KLHL22: variants seen among roughly 807,000 people sequenced by gnomAD.
The protein encoded by KLHL22 is kelch like family member 22.
A neutral mutation model predicts 60.7 loss-of-function variants in KLHL22; 18 were observed. The ratio of observed to expected loss-of-function variants is 0.30; its 90% CI spans 0.20 to 0.44. The LOEUF (loss-of-function observed/expected upper bound fraction) is 0.44. Among genes scored for constraint, KLHL22 ranks in the 20% least tolerant of loss-of-function variants. The pLI is 1.00. For missense variants in KLHL22, 596 were observed against 852.3 expected, an observed-to-expected ratio of 0.70 and a Z score of 3.74; for synonymous variants, 355 against 354.5, an observed-to-expected ratio of 1.00 and a Z score of -0.01.
chr22:20,444,908 A>G (rs558734177), intron 6 of KLHL22, among the ~76,000 whole-genome samples: 11 of 151,790 alleles, frequency 7.2e-5, no homozygotes, highest in African/African-American at 2.4e-4. Context: ...CAGCCTCCCA[A>G]GTAGCTGGGA....
intron 5 of KLHL22, chr22:20,450,205 G>A (rs2052953311): frequency 1.2e-6 from 1 of 807,052 alleles, no homozygotes; most frequent in African/African-American, 1.7e-5. Context: ...CCGTTGGGAA[G>A]AGCAATACCT....
chr22:20,462,588 G>A (rs1212199710), intron 4 of KLHL22, among the ~76,000 whole-genome samples: 1 of 149,922 alleles, frequency 6.7e-6, no homozygotes, highest in Non-Finnish European at 1.5e-5. Context: ...TTGAACTCCT[G>A]GGCTCAAAAG....
Position 20,465,581 on chromosome 22 carries a change from A to G in KLHL22, c.394-5T>C, listed in dbSNP as rs762288900. On this transcript the variant is annotated splice_region_variant and splice_polypyrimidine_tract_variant and intron_variant, in intron 3 of 6. Coordinates refer to ENST00000328879, the MANE Select transcript of KLHL22 (RefSeq NM_032775.4). The surrounding 1 kb of genome is among the most constrained non-coding windows in gnomAD (Gnocchi z 4.9). Reference sequence around the variant, plus strand: ...GAAATGGATAATTTCTGGGATCTGCAGAGAGAATGACACCCATTCAAGCCT... The same window carrying G: ...GAAATGGATAATTTCTGGGATCTGCGGAGAGAATGACACCCATTCAAGCCT... The G allele has an allele frequency of 2.2e-6, 3 of 1,363,546 alleles. No homozygotes were observed. The South Asian group carries it at 3.5e-5, about 16-fold the overall frequency. The allele number at this position is 1,363,546 out of a possible 1,614,324, so 84.5% of individuals were successfully genotyped here.
At chr22:20,464,804 T>C (rs1375572424) in intron 4 of KLHL22, 54 bp downstream of exon 4, 18 of 1,152,944 alleles carry the variant, frequency 1.6e-5, no homozygotes, top group Non-Finnish European at 2.2e-5. Context: ...GCCCATGACT[T>C]CCACACCCTC....
At chr22:20,491,678 C>T (rs2053693775) in intron 1 of KLHL22, 1 of 152,188 alleles carries the variant, frequency 6.6e-6, no homozygotes, top group Non-Finnish European at 1.5e-5. Context: ...GGAAACATCA[C>T]TGTGTGGCAC....
At chr22:20,477,786 C>T (rs551415834) in intron 2 of KLHL22, among the ~76,000 whole-genome samples, 5 of 152,282 alleles carry the variant, frequency 3.3e-5, no homozygotes, top group African/African-American at 7.2e-5. Flanking sequence ...AGGGTTGCTA[C>T]GTTGCTCAAG....
At chr22:20,458,843 A>C (rs921067135) in intron 4 of KLHL22, among the ~76,000 whole-genome samples, 2 of 152,062 alleles carry the variant, frequency 1.3e-5, no homozygotes, top group Non-Finnish European at 2.9e-5. Context: ...CCTCCACTCA[A>C]GGTCTCCCTC....
At chr22:20,471,654 AGTGAACTGT>A (rs1184207125) in intron 2 of KLHL22, 139 bp from the exon 3 acceptor site, 10 of 831,140 alleles carry the variant, frequency 1.2e-5, no homozygotes, top group Non-Finnish European at 1.7e-5. Context: ...CTGTGCTCTG[AGTGAACTGT>A]GTGCATGCAT....
At chr22:20,450,009 G>A (rs1357353855) in intron 5 of KLHL22, 10 of 598,998 alleles carry the variant, frequency 1.7e-5, no homozygotes, top group Non-Finnish European at 2.4e-5. Flanking sequence ...TGCTGGACCC[G>A]CACCCCACTC....
At position 20,449,956 on chromosome 22, in the gene KLHL22, G is replaced by T. The variant is rs543953238; in HGVS notation, c.1306-3280C>A. Among the ~76,000 whole-genome samples the T allele has an allele frequency of 2.0e-5, 3 of 152,302 alleles. No homozygotes were observed. The South Asian group carries it at 6.2e-4, about 32-fold the overall frequency. ...ACCCGGACAGCTCCAGAGCCTCCGG[G>T]CCGGGGCGGCGGCGGCGACGCTTCG... is the stretch of plus-strand genomic sequence containing the variant. On this transcript the variant is annotated intron_variant, in intron 5 of 6. Coordinates refer to ENST00000328879, the MANE Select transcript of KLHL22 (RefSeq NM_032775.4).
At position 20,465,904 on chromosome 22, in the gene KLHL22, C is replaced by T. The variant is rs565192884; in HGVS notation, c.394-328G>A. 2.0e-5 allele frequency among the ~76,000 whole-genome samples: 3 copies of T among 152,112 alleles called. No individual in the cohort carries two copies. The highest frequency in any genetic ancestry group is 1.9e-4 in the East Asian group (1 of 5,182). On this transcript the variant is annotated intron_variant, in intron 3 of 6. Coordinates refer to ENST00000328879, the MANE Select transcript of KLHL22 (RefSeq NM_032775.4). This position sits in a 1 kb window ranked among gnomAD's most constrained non-coding sequence, Gnocchi z 4.9. The stretch of plus-strand genomic sequence containing the variant: ...AATCTCGGCTCACTAACACCTCCCC[C>T]TCCCGGGTTGAAATGATTCTCCTGC...
At position 20,465,197 on chromosome 22, in the gene KLHL22, T is replaced by A; in HGVS notation, c.773A>T (p.His258Leu). ...LMEAEVLQRL[H>L]DKLDPSPLRD... is the part of the protein sequence containing the mutation. The stretch of plus-strand genomic sequence containing the variant: ...CAAAGGGCTGGGGTCCAGCTTGTCA[T>A]GCAGCCGCTGCAGGACCTCAGCTTC... The change falls in exon 4 of 7, where the codon CAT becomes CTT. Residue 258 changes from histidine (H) to leucine (L), a missense_variant. By Grantham distance (99) the His-to-Leu change is moderately conservative. Coordinates refer to ENST00000328879, the MANE Select transcript of KLHL22 (RefSeq NM_032775.4). This position sits in a 1 kb window ranked among gnomAD's most constrained non-coding sequence, Gnocchi z 4.9. 1 of 1,613,818 alleles carries A rather than the reference T, an allele frequency of 6.2e-7. No individual in the cohort carries two copies.
At chr22:20,460,629 A>C (rs1214819717) in intron 4 of KLHL22, among the ~76,000 whole-genome samples, 9 of 147,536 alleles carry the variant, frequency 6.1e-5, no homozygotes, top group Admixed American at 2.0e-4. Context: ...AAAAAAAAAA[A>C]AAAAAAAAAA....
chr22:20,487,344 A>C (rs1315861047), intron 2 of KLHL22, among the ~76,000 whole-genome samples: 1 of 149,216 alleles, frequency 6.7e-6, no homozygotes, highest in Non-Finnish European at 1.5e-5. Context: ...CAGCCTCCCA[A>C]GTAGCTGGGA....
At chr22:20,455,672 G>A (rs1426353078) in intron 5 of KLHL22, among the ~76,000 whole-genome samples, 1 of 152,194 alleles carries the variant, frequency 6.6e-6, no homozygotes, top group East Asian at 1.9e-4. Context: ...GGGAGCCTGT[G>A]TTGTATAGTT....
intron 5 of KLHL22, chr22:20,451,446 T>C: frequency 1.9e-6 from 3 of 1,604,322 alleles, no homozygotes; most frequent in South Asian, 2.2e-5. Flanking sequence ...TAAATTCAGT[T>C]GAGAAATATG....
Position 20,441,888 on chromosome 22 carries a change from T to C in KLHL22, c.*185A>G, listed in dbSNP as rs9997. 180,382 of 488,370 alleles carry C rather than the reference T, an allele frequency of 0.37. 34,927 individuals carry two copies. The highest frequency in any genetic ancestry group is 0.54 in the African/African-American group (26,969 of 50,350). 30.3% of individuals were successfully genotyped at this position (488,370 alleles called of 1,614,324 possible). A position where few individuals can be genotyped will look rare whatever the true frequency, so the allele number is the denominator to read the frequency against. ...CGTAATCCACAGCCTGGGATCTGCATGGCCCTGAGATGCCTGCGGCAGGCT... is the reference window on the plus strand; with the variant it reads ...CGTAATCCACAGCCTGGGATCTGCACGGCCCTGAGATGCCTGCGGCAGGCT... On this transcript the variant is annotated 3_prime_UTR_variant, in exon 7 of 7. Coordinates refer to ENST00000328879, the MANE Select transcript of KLHL22 (RefSeq NM_032775.4).
rs557724545 is a variant in KLHL22, at chr22:20,477,048, A to G, written c.228-5533T>C. On this transcript the variant is annotated intron_variant, in intron 2 of 6. Coordinates refer to ENST00000328879, the MANE Select transcript of KLHL22 (RefSeq NM_032775.4). Reference sequence around the variant, plus strand: ...ATTTTAAGAAAAAAAAAAATCTTATAATCCTTTCGGGGGCCAAGGCAGGAA... The same window carrying G: ...ATTTTAAGAAAAAAAAAAATCTTATGATCCTTTCGGGGGCCAAGGCAGGAA... 1.2e-4 allele frequency among the ~76,000 whole-genome samples: 18 copies of G among 151,978 alleles called. No individual in the cohort carries two copies. The East Asian group carries it at 2.9e-3, about 25-fold the overall frequency.
chr22:20,447,591 G>A (rs547786218), intron 5 of KLHL22, among the ~76,000 whole-genome samples: 4 of 144,882 alleles, frequency 2.8e-5, no homozygotes, highest in East Asian at 2.1e-4. Flanking sequence ...TCACCAGGCC[G>A]GAGTGCAGTG....
Sources: gnomAD v4.1 joint callset for allele counts (sites outside exome capture counted in the v4.1 genomes callset) on GRCh38, gnomAD v4.1.1 for gene constraint, Gnocchi (gnomAD v3.1) non-coding constraint, MANE v1.5 for transcripts, NCBI Gene and HGNC (gene_info 2026-07-23, HGNC 2026-07-21) for gene names.